The following USP12 variants were observed in gnomAD, a reference collection of about 807,000 sequenced individuals.
USP12 encodes ubiquitin carboxyl-terminal hydrolase 12.
USP12 carries 19 observed loss-of-function variants against 45.5 expected under a neutral mutation model. That is an observed-to-expected ratio of 0.42 (90% CI 0.29 to 0.61). The LOEUF (loss-of-function observed/expected upper bound fraction) is 0.61, where lower values mean the gene tolerates loss of function less well. USP12 is among the 20% of genes least tolerant of loss of function. The pLI, the probability that USP12 is intolerant of heterozygous loss-of-function variation, is 0.22. For missense variants in USP12, 242 were observed against 447.7 expected, an observed-to-expected ratio of 0.54 and a Z score of 4.15; for synonymous variants, 149 against 148.8, an observed-to-expected ratio of 1.00 and a Z score of -0.01.
chr13:27,074,639 A>G (rs1873394641), intron 7 of USP12, among the ~76,000 whole-genome samples: 1 of 152,186 alleles, frequency 6.6e-6, no homozygotes, highest in Non-Finnish European at 1.5e-5. Flanking sequence ...GAATTTTCTG[A>G]GGTATTTAAT....
At chr13:27,159,886 C>T (rs1454316385) in intron 1 of USP12, among the ~76,000 whole-genome samples, 4 of 152,190 alleles carry the variant, frequency 2.6e-5, no homozygotes, top group Non-Finnish European at 5.9e-5. Context: ...ATAACTACAA[C>T]CCAGTTTCAG....
At chr13:27,148,676 T>TTATA (rs59164229) in intron 1 of USP12, among the ~76,000 whole-genome samples, 58,997 of 138,978 alleles carry the variant, frequency 0.42, 13,726 homozygotes, top group East Asian at 0.75. Context: ...AAAAAAAAAA[T>TTATA]TATATATATA....
chr13:27,153,122 A>G (rs1411870738), intron 1 of USP12, among the ~76,000 whole-genome samples: 1 of 152,126 alleles, frequency 6.6e-6, no homozygotes, highest in Non-Finnish European at 1.5e-5. Context: ...ACCTAAGGTC[A>G]GGAGTTCAAG....
At chr13:27,080,742 A>AGG (rs1873713780) in intron 6 of USP12, among the ~76,000 whole-genome samples, 6 of 152,234 alleles carry the variant, frequency 3.9e-5, no homozygotes, top group Non-Finnish European at 8.8e-5. Context: ...CAATAAAGTG[A>AGG]AGACCGCAAT....
At chr13:27,107,123 G>A (rs1438245369) in intron 2 of USP12, among the ~76,000 whole-genome samples, 1 of 152,044 alleles carries the variant, frequency 6.6e-6, no homozygotes, top group Non-Finnish European at 1.5e-5. Context: ...TTAGAAGTTC[G>A]AGACCAACTT....
intron 6 of USP12, among the ~76,000 whole-genome samples, chr13:27,084,166 GCATA>G (rs1291955851): frequency 1.1e-4 from 11 of 99,204 alleles, no homozygotes; most frequent in African/African-American, 4.0e-4. Context: ...ATCCATGTTT[GCATA>G]CACACACACA....
At position 27,116,543 on chromosome 13, in the gene USP12, G is replaced by A. The variant is rs1199192807; in HGVS notation, c.102C>T (p.Val34=). The A allele has an allele frequency of 1.9e-6, 3 of 1,613,166 alleles. No homozygotes were observed. Among genetic ancestry groups the A allele is most frequent in the Admixed American group, 1.7e-5 (1 of 59,978 alleles). The part of the protein sequence containing the change: ...EKEIGPEQFP[V]NEHYFGLVNF... ...TGACTAATCCAAAATAGTGCTCATT[G>A]ACCGGAAACTGTTCTGGACCAATCT... The change falls in exon 2 of 9, where the codon GTC becomes GTT. Residue 34 remains valine, a synonymous_variant. Coordinates refer to ENST00000282344, the MANE Select transcript of USP12 (RefSeq NM_182488.4).
At chr13:27,127,845 A>T (rs1003818256) in intron 1 of USP12, among the ~76,000 whole-genome samples, 1 of 152,162 alleles carries the variant, frequency 6.6e-6, no homozygotes, top group Non-Finnish European at 1.5e-5. Flanking sequence ...TACTCAGAGG[A>T]CTCCACTTAT....
chr13:27,142,077 G>A (rs1047812658), intron 1 of USP12, among the ~76,000 whole-genome samples: 2 of 152,120 alleles, frequency 1.3e-5, no homozygotes, highest in Non-Finnish European at 1.5e-5. Flanking sequence ...AGCTGAGATC[G>A]TGCCACTACA....
intron 8 of USP12, among the ~76,000 whole-genome samples, chr13:27,069,925 T>C (rs890632999): frequency 2.0e-5 from 3 of 152,034 alleles, no homozygotes; most frequent in Admixed American, 2.0e-4. Context: ...CCAGCCTAGG[T>C]AACAAGACTG....
At chr13:27,081,052 C>T (rs926175819) in intron 6 of USP12, among the ~76,000 whole-genome samples, 6 of 128,876 alleles carry the variant, frequency 4.7e-5, no homozygotes, top group Non-Finnish European at 7.8e-5. Context: ...CTTGCTCTGT[C>T]GCCCAGGCTG....
chr13:27,070,279 C>T (rs943555754), intron 8 of USP12, among the ~76,000 whole-genome samples: 1 of 152,090 alleles, frequency 6.6e-6, no homozygotes. Context: ...GTCCAAATAG[C>T]AGGCTCCAGG....
At chr13:27,122,050 C>T (rs540400842) in intron 1 of USP12, among the ~76,000 whole-genome samples, 8 of 151,064 alleles carry the variant, frequency 5.3e-5, no homozygotes, top group South Asian at 4.2e-4. Context: ...AATGGTGTGG[C>T]CAGGCATGGT....
intron 6 of USP12, among the ~76,000 whole-genome samples, chr13:27,083,410 T>C (rs1391052094): frequency 6.6e-6 from 1 of 152,082 alleles, no homozygotes; most frequent in Non-Finnish European, 1.5e-5. Flanking sequence ...AAATGCAATG[T>C]TCTGTTCTCT....
intron 1 of USP12, among the ~76,000 whole-genome samples, chr13:27,133,951 G>A (rs942014280): frequency 1.3e-5 from 2 of 152,212 alleles, no homozygotes; most frequent in Admixed American, 1.3e-4. Context: ...GGGCAACACA[G>A]TGAAATCCCA....
chr13:27,147,668 G>GTGAATAAACT (rs1262577259), intron 1 of USP12, among the ~76,000 whole-genome samples: 3 of 152,042 alleles, frequency 2.0e-5, no homozygotes, highest in Non-Finnish European at 2.9e-5. Flanking sequence ...TCACTTATAA[G>GTGAATAAACT]GGAAACTCCA....
chr13:27,080,710 CACCGCAATAAAGTGAGG>C (rs1241436065), intron 6 of USP12, among the ~76,000 whole-genome samples: 3 of 152,088 alleles, frequency 2.0e-5, no homozygotes, highest in South Asian at 2.1e-4. Flanking sequence ...AGTTCCAGGC[CACCGCAATAAAGTGAGG>C]ACCGCAATAA....
intron 6 of USP12, among the ~76,000 whole-genome samples, chr13:27,088,160 C>G (rs1874147359): frequency 6.6e-6 from 1 of 152,190 alleles, no homozygotes; most frequent in Non-Finnish European, 1.5e-5. Context: ...GTGGCTCACG[C>G]CTGTAATCCC....
chr13:27,091,361 C>T (rs1222989394), intron 4 of USP12, among the ~76,000 whole-genome samples: 1 of 152,196 alleles, frequency 6.6e-6, no homozygotes, highest in Non-Finnish European at 1.5e-5. Flanking sequence ...AGTCCTCAGA[C>T]ACTGCCTCAG....
Sources: allele counts gnomAD v4.1 joint callset (sites outside exome capture counted in the v4.1 genomes callset), GRCh38; gene constraint gnomAD v4.1.1; transcripts MANE v1.5; gene names NCBI Gene and HGNC (gene_info 2026-07-23, HGNC 2026-07-21).